SPEF2: variants seen among roughly 807,000 people sequenced by gnomAD.
SPEF2 encodes sperm flagella and cilia-associated protein 2.
SPEF2 carries 187 observed loss-of-function variants against 224.6 expected under a neutral mutation model. That is an observed-to-expected ratio of 0.83 (90% CI 0.74 to 0.94). The LOEUF (loss-of-function observed/expected upper bound fraction) is 0.94, where lower values mean the gene tolerates loss of function less well. Among genes scored for constraint, SPEF2 ranks in the 40% least tolerant of loss-of-function variants. The pLI is 0.00. For missense variants in SPEF2, 2,170 were observed against 2,135.6 expected (o/e 1.02, Z -0.32); for synonymous variants, 715 against 707.3 (o/e 1.01, Z -0.17).
chr5:35,689,871 C>A (rs1754200323), intron 10 of SPEF2, among the ~76,000 whole-genome samples: 1 of 152,086 alleles, frequency 6.6e-6, no homozygotes, highest in Non-Finnish European at 1.5e-5. Context: ...TTGATACTTA[C>A]TATTCTTCTC....
At position 35,812,168 on chromosome 5, in the gene SPEF2, C is replaced by A. The variant is rs73090230; in HGVS notation, c.5380-2296C>A. On this transcript the variant is annotated intron_variant, in intron 36 of 36. Transcript: ENST00000356031. The stretch of plus-strand genomic sequence containing the variant: ...ACTACTGCTGGTCTGTAGTAGTTAC[C>A]GTGCACAAGAAATTCTGAATCACGT... Among the ~76,000 whole-genome samples, 4 of 152,100 alleles carry A rather than the reference C, an allele frequency of 2.6e-5. No homozygotes were observed. In the South Asian group the frequency reaches 8.3e-4, roughly 32 times the overall value.
intron 26 of SPEF2, among the ~76,000 whole-genome samples, chr5:35,769,279 G>A (rs1752476476): frequency 1.3e-5 from 2 of 152,124 alleles, no homozygotes; most frequent in South Asian, 4.1e-4. Flanking sequence ...TGAATTGCTT[G>A]CAATTTAGGG....
At chr5:35,711,882 A>G (rs956985281) in intron 19 of SPEF2, among the ~76,000 whole-genome samples, 2 of 152,192 alleles carry the variant, frequency 1.3e-5, no homozygotes, top group Non-Finnish European at 2.9e-5. Context: ...ATACTGGTTC[A>G]TCCTTTAAAA....
chr5:35,811,946 G>A (rs991249720), intron 36 of SPEF2, among the ~76,000 whole-genome samples: 4 of 151,684 alleles, frequency 2.6e-5, no homozygotes, highest in East Asian at 2.0e-4. Context: ...CACCACGCCC[G>A]ACTAATTTCT....
chr5:35,737,385 C>T (rs1449705978), intron 21 of SPEF2, among the ~76,000 whole-genome samples: 1 of 138,154 alleles, frequency 7.2e-6, no homozygotes, highest in Non-Finnish European at 1.5e-5. Flanking sequence ...CACAACAGGC[C>T]CCGGGATGTA....
Position 35,759,594 on chromosome 5 carries a change from A to C in SPEF2, c.3495A>C (p.Thr1165=). The change falls in exon 25 of 37, where the codon ACA becomes ACC. Residue 1165 remains threonine (T), a synonymous_variant. Transcript: ENST00000356031. ...MQAELNRFQD[T]KRLLQDYYWG... Reference sequence around the variant, plus strand: ...CAGAGCTGAACCGTTTCCAAGATACAAAGAGACTCCTTCAAGATTATTACT... The same window carrying C: ...CAGAGCTGAACCGTTTCCAAGATACCAAGAGACTCCTTCAAGATTATTACT... The C allele has an allele frequency of 6.2e-7, 1 of 1,607,336 alleles. No homozygotes were observed. Among genetic ancestry groups the C allele is most frequent in the Non-Finnish European group, 8.5e-7 (1 of 1,175,620 alleles).
intron 6 of SPEF2, among the ~76,000 whole-genome samples, chr5:35,652,108 G>A (rs774930204): frequency 6.6e-6 from 1 of 152,132 alleles, no homozygotes; most frequent in Non-Finnish European, 1.5e-5. Context: ...TTAGATGAAG[G>A]TCTGGCAAGC....
chr5:35,788,559 T>A (rs56349002), intron 30 of SPEF2: 42 of 702,628 alleles, frequency 6.0e-5, no homozygotes, highest in Non-Finnish European at 9.6e-5. Context: ...GGGGTACAGA[T>A]AGTAGAAAGA....
In SPEF2 at chr5:35,730,599, A is replaced by C. The variant is rs561385755; in HGVS notation, c.3063+2776A>C. ...TCTACTGGCCTTGCTGACAATTTCAACGTTCAAAATATAGAGGGGGCTATG... is the reference window on the plus strand; with the variant it reads ...TCTACTGGCCTTGCTGACAATTTCACCGTTCAAAATATAGAGGGGGCTATG... On this transcript the variant is annotated intron_variant, in intron 21 of 36. Transcript: ENST00000356031. Among the ~76,000 whole-genome samples the C allele has an allele frequency of 7.2e-5, 11 of 152,354 alleles. No homozygotes were observed. The East Asian group carries it at 1.5e-3, about 21-fold the overall frequency.
chr5:35,733,334 G>T (rs7734415), intron 21 of SPEF2, among the ~76,000 whole-genome samples: 6,211 of 152,108 alleles, frequency 0.041, 346 homozygotes, highest in African/African-American at 0.12. Flanking sequence ...CAGGATGGTC[G>T]CGATCTCCTC....
chr5:35,733,944 T>G (rs1252415968), intron 21 of SPEF2, among the ~76,000 whole-genome samples: 1 of 152,202 alleles, frequency 6.6e-6, no homozygotes, highest in Non-Finnish European at 1.5e-5. Context: ...TTTAAGTTGT[T>G]GTAGGACTTT....
rs986940879 is a variant in SPEF2 at position 35,771,698 on chromosome 5, A to C, written c.3891A>C (p.Ala1297=). The part of the protein sequence containing the change: ...DPKEKSPQMG[A]NKKVKKEPPK... ...AAGAAAAATCTCCTCAGATGGGTGC[A>C]AATAAAAAAGTCAAAAAGGAGCCAC... The change falls in exon 27 of 37, where the codon GCA becomes GCC. Residue 1297 remains alanine, a synonymous_variant. Transcript: ENST00000356031. 1 of 1,603,364 alleles carries C rather than the reference A, an allele frequency of 6.2e-7. No individual in the cohort carries two copies. Among genetic ancestry groups the C allele is most frequent in the African/African-American group, 1.4e-5 (1 of 73,882 alleles).
chr5:35,666,030 T>G (rs557787280), intron 8 of SPEF2, among the ~76,000 whole-genome samples: 8 of 152,316 alleles, frequency 5.3e-5, no homozygotes, highest in African/African-American at 1.4e-4. Context: ...GGTAATTTTT[T>G]GGGGTATGCT....
At chr5:35,738,103 T>A (rs533360243) in intron 21 of SPEF2, among the ~76,000 whole-genome samples, 1 of 152,190 alleles carries the variant, frequency 6.6e-6, no homozygotes, top group Non-Finnish European at 1.5e-5. Context: ...CTTTGTAGAT[T>A]CTGGATATTA....
intron 10 of SPEF2, among the ~76,000 whole-genome samples, chr5:35,672,467 A>C (rs1477107525): frequency 6.6e-6 from 1 of 151,184 alleles, no homozygotes. Context: ...TAGATAAGCC[A>C]GGATGCATTG....
In SPEF2 at chr5:35,763,581, CA is replaced by C; in HGVS notation, c.3684del (p.Lys1228AsnfsTer4). 6.2e-7 allele frequency: 1 copy of C among 1,612,796 alleles called. No individual in the cohort carries two copies. Among genetic ancestry groups the C allele is most frequent in the Non-Finnish European group, 8.5e-7 (1 of 1,179,612 alleles). On this transcript the variant is annotated frameshift_variant, in exon 26 of 37. Coordinates refer to ENST00000356031, the MANE Select transcript of SPEF2 (RefSeq NM_024867.4). LOFTEE classifies it high-confidence loss of function. ...GAAACAGTTACACCCAAACCAAAAA[CA>C]AAATCAGTACTGAAGGGCAAGATGG... ...SLETVTPKPK[T>X]KSVLKGKMDN...
chr5:35,694,499 G>T, intron 13 of SPEF2, 136 bp downstream of exon 13: 1 of 673,030 alleles, frequency 1.5e-6, no homozygotes. Flanking sequence ...TCTACATATG[G>T]CCATTTGACA....
chr5:35,733,083 A>G (rs939531152), intron 21 of SPEF2, among the ~76,000 whole-genome samples: 2 of 151,972 alleles, frequency 1.3e-5, no homozygotes, highest in African/African-American at 2.4e-5. Context: ...TCTGTAAGCA[A>G]CCAATTACAA....
chr5:35,769,651 C>G (rs951035772), intron 26 of SPEF2, among the ~76,000 whole-genome samples: 2 of 152,094 alleles, frequency 1.3e-5, no homozygotes, highest in Admixed American at 6.5e-5. Flanking sequence ...CTCTGGGAAG[C>G]ACGAGGCCCC....
Sources: gnomAD v4.1 joint callset for allele counts (sites outside exome capture counted in the v4.1 genomes callset) on GRCh38, gnomAD v4.1.1 for gene constraint, MANE v1.5 for transcripts, NCBI Gene and HGNC (gene_info 2026-07-23, HGNC 2026-07-21) for gene names.